The following LONP2 variants were observed in gnomAD, a reference collection of about 807,000 sequenced individuals.
LONP2 encodes the protein lon protease homolog 2, peroxisomal.
In LONP2, 60 loss-of-function variants were observed where a neutral mutation model predicts 85.6. That is an observed-to-expected ratio of 0.70 (90% CI 0.57 to 0.87). The LOEUF (loss-of-function observed/expected upper bound fraction) is 0.87. LONP2 is among the 40% of genes least tolerant of loss of function. The pLI is 0.00. For synonymous variants in LONP2, 395 were observed against 389.7 expected (o/e 1.01, Z -0.16); for missense variants, 860 against 1,063.5 (o/e 0.81, Z 2.66).
chr16:48,337,529 T>C (rs973102579), intron 12 of LONP2, among the ~76,000 whole-genome samples: 1 of 152,224 alleles, frequency 6.6e-6, no homozygotes, highest in Admixed American at 6.5e-5. Flanking sequence ...ACACAACTTA[T>C]GCCAGAAATG....
Position 48,275,646 on chromosome 16 carries a change from T to G in LONP2, c.1242-1692T>G, listed in dbSNP as rs573207962. On this transcript the variant is annotated intron_variant, in intron 7 of 14. Coordinates refer to ENST00000285737, the MANE Select transcript of LONP2 (RefSeq NM_031490.5). ...GTATTAAGGGCAGGAAGGCACCATATTTTTAAGAAAGGTAAAAATTTTTAA... is the reference window on the plus strand; with the variant it reads ...GTATTAAGGGCAGGAAGGCACCATAGTTTTAAGAAAGGTAAAAATTTTTAA... Among the ~76,000 whole-genome samples the G allele has an allele frequency of 2.0e-5, 3 of 152,270 alleles. No homozygotes were observed. In the East Asian group the frequency reaches 5.8e-4, roughly 29 times the overall value.
In LONP2 at chr16:48,258,651, A is replaced by G; in HGVS notation, c.634A>G (p.Lys212Glu). 1 of 1,608,852 alleles carries G rather than the reference A, an allele frequency of 6.2e-7. No individual in the cohort carries two copies. The highest frequency in any genetic ancestry group is 8.5e-7 in the Non-Finnish European group (1 of 1,177,882). ...LDAVSLEERF[K>E]MTIPLLVRQI... The stretch of plus-strand genomic sequence containing the variant: ...TGCTGTGAGCCTAGAGGAGCGGTTC[A>G]AGATGACTATACCACTGCTTGTCAG... The change falls in exon 4 of 15, where the codon AAG (lysine) becomes GAG (glutamate). Residue 212 changes from lysine (K) to glutamate (E), a missense_variant. This residue lies in a region of LONP2 where 743 missense variants were observed against 917.3 expected (regional missense o/e 0.81). Transcript: ENST00000285737.
At position 48,356,214 on chromosome 16, in the gene LONP2, T is replaced by C. The variant is rs1016776631; in HGVS notation, c.*4412T>C. On this transcript the variant is annotated 3_prime_UTR_variant, in exon 15 of 15. Coordinates refer to ENST00000285737, the MANE Select transcript of LONP2 (RefSeq NM_031490.5). ...ACTGTGAGCTTCCAGTACTAGGTGA[T>C]TGGTCTGCATTCACAGTGACCAAAA... 6.6e-6 allele frequency: 1 copy of C among 152,320 alleles called. No individual in the cohort carries two copies. The highest frequency in any genetic ancestry group is 1.5e-5 in the Non-Finnish European group (1 of 68,154). 9.4% of individuals were successfully genotyped at this position (152,320 alleles called of 1,614,324 possible). A position where few individuals can be genotyped will look rare whatever the true frequency, so the allele number is the denominator to read the frequency against.
Position 48,253,507 on chromosome 16 carries a change from A to G in LONP2, c.468+1142A>G, listed in dbSNP as rs528219200. Among the ~76,000 whole-genome samples the G allele has an allele frequency of 2.0e-5, 3 of 152,160 alleles. No individual in the cohort carries two copies. In the South Asian group the frequency reaches 6.2e-4, roughly 32 times the overall value. On this transcript the variant is annotated intron_variant, in intron 2 of 14. Transcript: ENST00000285737. ...AGAAAAATAGAAAATTTGAATCTGT[A>G]ATTTCTATATGGGCTGAAAGAAAGC...
At chr16:48,248,885 GAAAAA>G (rs768247989) in intron 1 of LONP2, among the ~76,000 whole-genome samples, 7 of 91,414 alleles carry the variant, frequency 7.7e-5, no homozygotes, top group African/African-American at 2.7e-4. Flanking sequence ...CTGTCTATAG[GAAAAA>G]AAAAAAAAAA....
At chr16:48,274,536 T>A (rs776398483) in intron 7 of LONP2, among the ~76,000 whole-genome samples, 6 of 152,124 alleles carry the variant, frequency 3.9e-5, no homozygotes, top group Non-Finnish European at 8.8e-5. Context: ...ATTGCATTTG[T>A]TTAGACATGC....
chr16:48,298,566 T>A (rs867768633), intron 9 of LONP2, among the ~76,000 whole-genome samples: 1 of 151,774 alleles, frequency 6.6e-6, no homozygotes, highest in Non-Finnish European at 1.5e-5. Flanking sequence ...TTTATAGTCA[T>A]AGTTCTGGAA....
In LONP2 at chr16:48,351,684, A is replaced by C. The variant is rs1960154425; in HGVS notation, c.2441A>C (p.Asn814Thr). The change falls in exon 15 of 15, where the codon AAC becomes ACC. Residue 814 changes from asparagine (N) to threonine (T), a missense_variant. This residue lies in a region of LONP2 where 115 missense variants were observed against 129.0 expected (regional missense o/e 0.89). Transcript: ENST00000285737. ...NEKDLEGIPG[N>T]VRQDLSFVTA... ...AAAGACCTTGAGGGAATCCCAGGCA[A>C]CGTACGACAGGATTTAAGTTTTGTC... 1 of 1,614,216 alleles carries C rather than the reference A, an allele frequency of 6.2e-7. No individual in the cohort carries two copies.
intron 12 of LONP2, among the ~76,000 whole-genome samples, chr16:48,341,483 T>G (rs1959806293): frequency 6.6e-6 from 1 of 151,762 alleles, no homozygotes; most frequent in Admixed American, 6.6e-5. Context: ...CCACAAGAAC[T>G]CACTCACTAT....
rs1960008713 is a variant in LONP2, at chr16:48,347,619, C to T, written c.2051C>T (p.Thr684Ile). ...CGAATGGATGGCGAGGGCCAGTTAA[C>T]TCTGACCGGCCAGCTCGGGGACGTG... ...ASRMDGEGQL[T>I]LTGQLGDVMK... The change falls in exon 13 of 15, where the codon ACT (threonine) becomes ATT (isoleucine). Residue 684 changes from threonine to isoleucine, a missense_variant. This residue lies in a region of LONP2 where 743 missense variants were observed against 917.3 expected (regional missense o/e 0.81). Coordinates refer to ENST00000285737, the MANE Select transcript of LONP2 (RefSeq NM_031490.5). 6.2e-7 allele frequency: 1 copy of T among 1,614,250 alleles called. No homozygotes were observed. Among genetic ancestry groups the T allele is most frequent in the Non-Finnish European group, 8.5e-7 (1 of 1,180,044 alleles).
rs1199630960 is a variant in LONP2 at position 48,354,083 on chromosome 16, GGGGGTGGGGGGTTA to G, written c.*2291_*2304del. 1 of 135,112 alleles carries G rather than the reference GGGGGTGGGGGGTTA, an allele frequency of 7.4e-6. No homozygotes were observed. The highest frequency in any genetic ancestry group is 2.8e-5 in the African/African-American group (1 of 35,616). The allele number at this position is 135,112 out of a possible 1,614,324, so 8.4% of individuals were successfully genotyped here. ...TTCACCTGGGTTTTTTTTTTTTGGG[GGGGGTGGGGGGTTA>G]GGGGTGGGGCGGGTGGGGAAGAGCC... On this transcript the variant is annotated 3_prime_UTR_variant, in exon 15 of 15. Transcript: ENST00000285737.
intron 13 of LONP2, 56 bp from the exon 14 acceptor site, chr16:48,348,044 G>GA (rs1467571803): frequency 2.0e-6 from 3 of 1,476,196 alleles, no homozygotes; most frequent in Non-Finnish European, 2.8e-6. Context: ...TTTTTTAGGA[G>GA]AAAAAGAAAA....
Position 48,244,598 on chromosome 16 carries a change from G to A in LONP2, c.210G>A (p.Ala70=). 6.7e-7 allele frequency: 1 copy of A among 1,483,468 alleles called. No individual in the cohort carries two copies. The highest frequency in any genetic ancestry group is 8.9e-7 in the Non-Finnish European group (1 of 1,119,784). The allele number at this position is 1,483,468 out of a possible 1,614,324, so 91.9% of individuals were successfully genotyped here. Residue 70 remains alanine, a synonymous_variant, in exon 1 of 15, where the codon GCG becomes GCA. Coordinates refer to ENST00000285737, the MANE Select transcript of LONP2 (RefSeq NM_031490.5). ...ACACGCCTGACCCCGCCAGCGACGCGCAGGACCTGCCGCCGCTGCACAGGT... is the reference window on the plus strand; with the variant it reads ...ACACGCCTGACCCCGCCAGCGACGCACAGGACCTGCCGCCGCTGCACAGGT... The part of the protein sequence containing the change: ...IPNTPDPASD[A]QDLPPLHRIG...
chr16:48,299,460 T>C (rs1434276179), intron 9 of LONP2, among the ~76,000 whole-genome samples: 1 of 151,770 alleles, frequency 6.6e-6, no homozygotes, highest in East Asian at 2.0e-4. Context: ...TGCATGCCTG[T>C]AATCCCAGCT....
downstream of LONP2, chr16:48,361,160 A>G (rs1567365412): frequency 5.9e-6 from 1 of 169,588 alleles, no homozygotes; most frequent in East Asian, 1.7e-4. Context: ...CAAAGGGAAA[A>G]GCAGTGGCCC....
At chr16:48,281,190 CTA>C (rs2150984747) in intron 8 of LONP2, among the ~76,000 whole-genome samples, 1 of 152,232 alleles carries the variant, frequency 6.6e-6, no homozygotes, top group East Asian at 1.9e-4. Flanking sequence ...TAAATATACA[CTA>C]GAGTGCTTAC....
chr16:48,351,789 A>G lies in LONP2; in HGVS notation c.2546A>G (p.Asn849Ser). ...FTVKTRPGLLNSKL is the reference protein window; with the variant it reads ...FTVKTRPGLLSSKL ...GTCAAGACCAGACCTGGTCTGTTAA[A>G]TAGCAAACTGTAGGTCCAAATCTCA... The change falls in exon 15 of 15, where the codon AAT becomes AGT. Residue 849 changes from asparagine to serine, a missense_variant. Physicochemically the swap from Asn to Ser is conservative, Grantham distance 46. Transcript: ENST00000285737. 6.2e-7 allele frequency: 1 copy of G among 1,613,938 alleles called. No individual in the cohort carries two copies. The highest frequency in any genetic ancestry group is 8.5e-7 in the Non-Finnish European group (1 of 1,179,822).
Position 48,244,341 on chromosome 16 carries a change from T to C in LONP2, c.-48T>C, listed in dbSNP as rs1335658909. The C allele has an allele frequency of 8.0e-6, 11 of 1,379,130 alleles. No individual in the cohort carries two copies. The Admixed American group carries it at 1.7e-4, about 21-fold the overall frequency. The allele number at this position is 1,379,130 out of a possible 1,614,324, so 85.4% of individuals were successfully genotyped here. On this transcript the variant is annotated 5_prime_UTR_variant, in exon 1 of 15. Coordinates refer to ENST00000285737, the MANE Select transcript of LONP2 (RefSeq NM_031490.5). ...GACTGCGGGGCAGGCCGGGGGCAGCTGTCTGTCTGGCTCTTTTTGACAGCC... is the reference window on the plus strand; with the variant it reads ...GACTGCGGGGCAGGCCGGGGGCAGCCGTCTGTCTGGCTCTTTTTGACAGCC...
chr16:48,305,859 ATTTT>A (rs1211446299), intron 11 of LONP2, among the ~76,000 whole-genome samples: 2 of 152,096 alleles, frequency 1.3e-5, no homozygotes, highest in Admixed American at 6.6e-5. Context: ...GGGTTTATAT[ATTTT>A]TTATTTCTTA....
Sources: gnomAD v4.1 joint callset for allele counts (sites outside exome capture counted in the v4.1 genomes callset) on GRCh38, gnomAD v4.1.1 for gene constraint, gnomAD v4.1.1 regional missense constraint, MANE v1.5 for transcripts, NCBI Gene and HGNC (gene_info 2026-07-23, HGNC 2026-07-21) for gene names.